ZBTB1: variants seen among roughly 807,000 people sequenced by gnomAD.
The protein encoded by ZBTB1 is zinc finger and BTB domain containing 1, also known as zinc finger and BTB domain-containing protein 1.
ZBTB1 carries 13 observed loss-of-function variants against 51.6 expected under a neutral mutation model. The observed-to-expected ratio is 0.25, with a 90% CI of 0.16 to 0.40. The LOEUF (loss-of-function observed/expected upper bound fraction) is 0.40, where lower values mean the gene tolerates loss of function less well. ZBTB1 is among the 10% of genes least tolerant of loss of function. The pLI is 1.00. For missense variants in ZBTB1, 567 were observed against 856.5 expected (o/e 0.66, Z 4.22); for synonymous variants, 240 against 282.2 (o/e 0.85, Z 1.50).
chr14:64,528,344 C>CTTT (rs71123857), downstream of ZBTB1, among the ~76,000 whole-genome samples: 49 of 115,520 alleles, frequency 4.2e-4, no homozygotes, highest in Middle Eastern at 4.8e-3. Flanking sequence ...TTTTTCTTTT[C>CTTT]TTTTTTTTTT....
chr14:64,530,355 TC>T (rs1322458065), intron 2 of ZBTB1, among the ~76,000 whole-genome samples: 1 of 152,214 alleles, frequency 6.6e-6, no homozygotes, highest in Non-Finnish European at 1.5e-5. Context: ...ATGCCTGTAA[TC>T]CCAGCACTTT....
chr14:64,526,629 T>C (rs954445236), downstream of ZBTB1, among the ~76,000 whole-genome samples: 8 of 152,174 alleles, frequency 5.3e-5, no homozygotes, highest in African/African-American at 1.9e-4. Context: ...ACAACTTGCA[T>C]GTTCTACGAT....
downstream of ZBTB1, among the ~76,000 whole-genome samples, chr14:64,529,148 T>C (rs149723625): frequency 4.2e-3 from 633 of 152,338 alleles, 5 homozygotes; most frequent in African/African-American, 0.015. Flanking sequence ...TATTAAATGC[T>C]GTTATGTTTT....
At chr14:64,529,382 A>T (rs999708354), downstream of ZBTB1, among the ~76,000 whole-genome samples, 1 of 152,144 alleles carries the variant, frequency 6.6e-6, no homozygotes, top group African/African-American at 2.4e-5. Flanking sequence ...GAGTTGAAGG[A>T]CTCAAATCAT....
upstream of ZBTB1, chr14:64,504,715 G>C: frequency 5.4e-6 from 2 of 371,666 alleles, no homozygotes; most frequent in Non-Finnish European, 4.8e-6. Flanking sequence ...CCGCGTAAGC[G>C]GGGCCGGCTC....
At chr14:64,525,312 A>G (rs536301965), downstream of ZBTB1, among the ~76,000 whole-genome samples, 5 of 152,346 alleles carry the variant, frequency 3.3e-5, no homozygotes, top group African/African-American at 9.6e-5. Context: ...GGTAGAATAC[A>G]CACAAAAATT....
downstream of ZBTB1, among the ~76,000 whole-genome samples, chr14:64,526,537 CTT>C (rs1466071640): frequency 5.9e-5 from 9 of 152,162 alleles, no homozygotes; most frequent in Non-Finnish European, 7.3e-5. Context: ...CCATGAGACT[CTT>C]TTGCTTTGGC....
Position 64,524,459 on chromosome 14 carries a change from T to C in ZBTB1, c.*813T>C, listed in dbSNP as rs2079887812. The C allele has an allele frequency of 3.7e-6, 3 of 810,312 alleles. No homozygotes were observed. The highest frequency in any genetic ancestry group is 5.7e-5 in the South Asian group (1 of 17,638). 50.2% of individuals were successfully genotyped at this position (810,312 alleles called of 1,614,324 possible). ...ATTAAAAATATTTTAATTTAAAATA[T>C]TCTGATTTCTAAAGTGTGTTAGCTT... On this transcript the variant is annotated 3_prime_UTR_variant, in exon 2 of 2. Transcript: ENST00000683701.
chr14:64,504,809 G>GCAGCC lies in ZBTB1; in HGVS notation c.-149_-145dup, dbSNP rs1428749579. The stretch of plus-strand genomic sequence containing the variant: ...CCTGGCAGAGCCAGAGCCTCTCCGC[G>GCAGCC]CAGCCCAGCCCGAGCGCCGAGCGCC... On this transcript the variant is annotated 5_prime_UTR_variant, in exon 1 of 2. Transcript: ENST00000683701. The GCAGCC allele has an allele frequency of 2.6e-6, 1 of 387,760 alleles. No homozygotes were observed. The highest frequency in any genetic ancestry group is 4.6e-6 in the Non-Finnish European group (1 of 219,080). 24.0% of individuals were successfully genotyped at this position (387,760 alleles called of 1,614,324 possible). A position where few individuals can be genotyped will look rare whatever the true frequency, so the allele number is the denominator to read the frequency against.
At chr14:64,516,640 C>G (rs1308668668) in intron 1 of ZBTB1, 1 of 152,156 alleles carries the variant, frequency 6.6e-6, no homozygotes. Context: ...TTGCAGAATA[C>G]GTGTTGAATG....
intron 1 of ZBTB1, chr14:64,514,297 T>G (rs890890803): frequency 1.3e-5 from 2 of 152,216 alleles, no homozygotes; most frequent in South Asian, 4.1e-4. Flanking sequence ...ATTGGGGTGC[T>G]GAATTGGGAC....
At chr14:64,517,552 A>G (rs938658559) in intron 1 of ZBTB1, among the ~76,000 whole-genome samples, 1 of 151,910 alleles carries the variant, frequency 6.6e-6, no homozygotes, top group African/African-American at 2.4e-5. Context: ...AAAAATGACT[A>G]TAGACATAGA....
intron 1 of ZBTB1, among the ~76,000 whole-genome samples, chr14:64,513,529 G>A (rs2079748566): frequency 1.3e-5 from 2 of 152,130 alleles, no homozygotes; most frequent in South Asian, 4.2e-4. Flanking sequence ...CCTCACCCTT[G>A]CTTTCTGTTT....
Position 64,522,679 on chromosome 14 carries a change from T to C in ZBTB1, c.1175T>C (p.Met392Thr). ...GGTAGGAAAACTCTAAAACCTCGAA[T>C]GTCAGTAAGTGCTGATGAAAGAGGT... Reference protein sequence around the residue: ...KSGRKTLKPRMSVSADERGGL... With the variant: ...KSGRKTLKPRTSVSADERGGL... The change falls in exon 2 of 2, where the codon ATG becomes ACG. Residue 392 changes from methionine to threonine, a missense_variant. By Grantham distance (81) the Met-to-Thr change is moderately conservative (BLOSUM62 -1). This residue lies in a region of ZBTB1 where 329 missense variants were observed against 406.3 expected (regional missense o/e 0.81). Transcript: ENST00000683701. 3 of 1,614,172 alleles carry C rather than the reference T, an allele frequency of 1.9e-6. No homozygotes were observed. The highest frequency in any genetic ancestry group is 2.5e-6 in the Non-Finnish European group (3 of 1,180,010).
At chr14:64,515,590 G>C (rs1207134775) in intron 1 of ZBTB1, among the ~76,000 whole-genome samples, 2 of 147,150 alleles carry the variant, frequency 1.4e-5, no homozygotes, top group Non-Finnish European at 3.0e-5. Context: ...GCACAGTCTT[G>C]GCTCACTGTA....
chr14:64,525,167 G>A (rs1017938114), downstream of ZBTB1, among the ~76,000 whole-genome samples: 4 of 152,176 alleles, frequency 2.6e-5, no homozygotes, highest in Non-Finnish European at 4.4e-5. Context: ...ATACTGGTGA[G>A]TACAGATTTA....
chr14:64,516,117 G>A (rs956383574), intron 1 of ZBTB1, among the ~76,000 whole-genome samples: 3 of 152,098 alleles, frequency 2.0e-5, no homozygotes, highest in Non-Finnish European at 4.4e-5. Context: ...TGCCTGTAGT[G>A]CTAGCTATTC....
chr14:64,513,285 A>G lies in ZBTB1; in HGVS notation c.-18-8202A>G, dbSNP rs528826008. ...TGTGTAATGTATCTGTGAGAGATAT[A>G]TATACATCTCCCTATACATCTGCCT... On this transcript the variant is annotated intron_variant, in intron 1 of 1. Transcript: ENST00000683701. Among the ~76,000 whole-genome samples the G allele has an allele frequency of 3.0e-4, 46 of 152,300 alleles. 1 individual carries two copies. In the South Asian group the frequency reaches 9.3e-3, roughly 31 times the overall value.
chr14:64,506,988 C>G lies in ZBTB1; in HGVS notation c.-19+2042C>G, dbSNP rs1383962822. On this transcript the variant is annotated intron_variant, in intron 1 of 1. Transcript: ENST00000683701. ...TCTGGGGAAGATATAGTTCATCGAC[C>G]TTTTTAAGAGTATCTCGTTTTCTTT... Among the ~76,000 whole-genome samples the G allele has an allele frequency of 2.0e-5, 3 of 152,160 alleles. No homozygotes were observed. The East Asian group carries it at 5.8e-4, about 29-fold the overall frequency.
Sources: allele counts gnomAD v4.1 joint callset (sites outside exome capture counted in the v4.1 genomes callset), GRCh38; gene constraint gnomAD v4.1.1; regional missense constraint gnomAD v4.1.1; transcripts MANE v1.5; gene names NCBI Gene and HGNC (gene_info 2026-07-23, HGNC 2026-07-21).